CRLS1: variants seen among roughly 807,000 people sequenced by gnomAD.
CRLS1 encodes the protein cardiolipin synthase 1.
CRLS1 carries 24 observed loss-of-function variants against 37.0 expected under a neutral mutation model. That is an observed-to-expected ratio of 0.65 (90% CI 0.47 to 0.91). CRLS1 has a LOEUF of 0.91. CRLS1 is among the 40% of genes least tolerant of loss of function. CRLS1 has a pLI of 0.00. For missense variants in CRLS1, 373 were observed against 395.8 expected (o/e 0.94, Z 0.49); for synonymous variants, 135 against 159.7 (o/e 0.85, Z 1.17).
chr20:6,008,388 C>T (rs905734380), intron 1 of CRLS1, among the ~76,000 whole-genome samples: 9 of 152,124 alleles, frequency 5.9e-5, no homozygotes, highest in South Asian at 2.1e-4. Flanking sequence ...GTCTTAGCTC[C>T]GCTGGGCCGA....
chr20:6,009,668 G>T, intron 1 of CRLS1, 107 bp from the exon 2 acceptor site: 2 of 838,266 alleles, frequency 2.4e-6, no homozygotes, highest in Non-Finnish European at 1.8e-6. Flanking sequence ...AGTTTATGTA[G>T]CTTCTGACTG....
At chr20:6,026,225 C>G (rs1979678912) in intron 3 of CRLS1, 1 of 152,146 alleles carries the variant, frequency 6.6e-6, no homozygotes, top group Non-Finnish European at 1.5e-5. Context: ...CAGTCAGCAG[C>G]TGTCAACATT....
intron 2 of CRLS1, among the ~76,000 whole-genome samples, chr20:6,011,009 C>T (rs1280171107): frequency 6.0e-5 from 9 of 148,904 alleles, no homozygotes; most frequent in African/African-American, 2.5e-5. Flanking sequence ...AGAGCAAGAA[C>T]TTGTCTCTTA....
rs964171347 is a variant in CRLS1 at position 6,006,133 on chromosome 20, C to G, written c.-114C>G. On this transcript the variant is annotated 5_prime_UTR_variant, in exon 1 of 7. Coordinates refer to ENST00000378863, the MANE Select transcript of CRLS1 (RefSeq NM_019095.6). ...TGGGGTGTGTAAAGTAGTATGGAGGCAGCGGTAGCCCAGTGTCTGAGTGGT... is the reference window on the plus strand; with the variant it reads ...TGGGGTGTGTAAAGTAGTATGGAGGGAGCGGTAGCCCAGTGTCTGAGTGGT... 2.0e-6 allele frequency: 1 copy of G among 490,040 alleles called. No homozygotes were observed. Among genetic ancestry groups the G allele is most frequent in the Non-Finnish European group, 3.1e-6 (1 of 318,316 alleles). The allele number at this position is 490,040 out of a possible 1,614,324, so 30.4% of individuals were successfully genotyped here.
At position 6,037,756 on chromosome 20, in the gene CRLS1, G is replaced by A. The variant is rs1328411820; in HGVS notation, c.*598G>A. ...ACAGAAGGTATGAAGTTCATTTTCG[G>A]TAGTCTTCCAACCTCTCAGGTGCCT... On this transcript the variant is annotated 3_prime_UTR_variant, in exon 7 of 7. Transcript: ENST00000378863. The A allele has an allele frequency of 6.6e-6, 1 of 152,166 alleles. No individual in the cohort carries two copies. The highest frequency in any genetic ancestry group is 2.4e-5 in the African/African-American group (1 of 41,420). 9.4% of individuals were successfully genotyped at this position (152,166 alleles called of 1,614,324 possible).
At chr20:6,034,844 A>G (rs1980433733) in intron 6 of CRLS1, among the ~76,000 whole-genome samples, 1 of 152,168 alleles carries the variant, frequency 6.6e-6, no homozygotes, top group Non-Finnish European at 1.5e-5. Context: ...AGGAAGTGGC[A>G]TTTGTTGCAT....
In CRLS1 at chr20:6,037,339, C is replaced by A. The variant is rs1980631611; in HGVS notation, c.*181C>A. On this transcript the variant is annotated 3_prime_UTR_variant, in exon 7 of 7. Transcript: ENST00000378863. ...AAATAAGGTTGATCATGGGAATATG[C>A]AGAATTTCCAATGTATTTTTAAATA... 5.1e-6 allele frequency: 2 copies of A among 389,388 alleles called. No individual in the cohort carries two copies. The highest frequency in any genetic ancestry group is 4.3e-4 in the Middle Eastern group (1 of 2,322). The allele number at this position is 389,388 out of a possible 1,614,324, so 24.1% of individuals were successfully genotyped here.
chr20:6,009,957 G>A, intron 2 of CRLS1, 45 bp downstream of exon 2: 1 of 1,596,114 alleles, frequency 6.3e-7, no homozygotes, highest in Non-Finnish European at 8.6e-7. Context: ...TCCAAATCCT[G>A]GTCTGTACTA....
chr20:6,015,722 A>G, intron 3 of CRLS1: 2 of 429,616 alleles, frequency 4.7e-6, no homozygotes, highest in East Asian at 9.5e-5. Context: ...AGATTGTTTA[A>G]AATTAAAATT....
At chr20:6,007,486 A>C (rs903140162) in intron 1 of CRLS1, 10 of 1,409,130 alleles carry the variant, frequency 7.1e-6, no homozygotes, top group Non-Finnish European at 8.9e-6. Context: ...ATGATTACAA[A>C]TTAATGAGAC....
In CRLS1 at chr20:6,019,129, T is replaced by C. The variant is rs541465418; in HGVS notation, c.574+3639T>C. Among the ~76,000 whole-genome samples, 3 of 152,316 alleles carry C rather than the reference T, an allele frequency of 2.0e-5. No homozygotes were observed. In the East Asian group the frequency reaches 5.8e-4, roughly 29 times the overall value. On this transcript the variant is annotated intron_variant, in intron 3 of 6. Coordinates refer to ENST00000378863, the MANE Select transcript of CRLS1 (RefSeq NM_019095.6). ...ATTTCTACTTAAATGTTTGGTAGAA[T>C]CTGTTAAAGCCGTTGAGGCCTGGAG...
chr20:6,018,469 A>G (rs6117036), intron 3 of CRLS1, among the ~76,000 whole-genome samples: 2 of 152,070 alleles, frequency 1.3e-5, no homozygotes, highest in South Asian at 4.1e-4. Flanking sequence ...TGAGTAGTAC[A>G]GTGTTGGCAA....
intron 1 of CRLS1, 57 bp downstream of exon 1, chr20:6,006,609 A>T: frequency 8.0e-7 from 1 of 1,242,360 alleles, no homozygotes; most frequent in Non-Finnish European, 1.0e-6. Flanking sequence ...CCGCCCCTGC[A>T]CTCAGGTAAC....
intron 2 of CRLS1, among the ~76,000 whole-genome samples, chr20:6,013,133 CTA>C (rs1322104237): frequency 6.6e-6 from 1 of 150,904 alleles, no homozygotes; most frequent in East Asian, 1.9e-4. Context: ...GGAATTATAT[CTA>C]TGTGTATATA....
At chr20:6,009,590 A>G (rs2090105529) in intron 1 of CRLS1, among the ~76,000 whole-genome samples, 185 bp from the exon 2 acceptor site, 1 of 152,202 alleles carries the variant, frequency 6.6e-6, no homozygotes, top group Non-Finnish European at 1.5e-5. Flanking sequence ...TTGAAAGAAG[A>G]TTTTAGGGAG....
At position 6,031,389 on chromosome 20, in the gene CRLS1, A is replaced by C. The variant is rs1342139753; in HGVS notation, c.660+19A>C. 1.4e-5 allele frequency: 21 copies of C among 1,552,058 alleles called. No individual in the cohort carries two copies. Among genetic ancestry groups the C allele is most frequent in the African/African-American group, 4.1e-5 (3 of 72,996 alleles). On this transcript the variant is annotated intron_variant, in intron 4 of 6. Transcript: ENST00000378863. ...AACACCAGTGAGTTTGTTTCCAAAAAGTATTCTTTTAGCATTATATATGAT... is the reference window on the plus strand; with the variant it reads ...AACACCAGTGAGTTTGTTTCCAAAACGTATTCTTTTAGCATTATATATGAT...
At chr20:6,024,400 T>C (rs1457176382) in intron 3 of CRLS1, among the ~76,000 whole-genome samples, 1 of 152,170 alleles carries the variant, frequency 6.6e-6, no homozygotes, top group South Asian at 2.1e-4. Flanking sequence ...TCCATGAGGG[T>C]TGGAATCAAC....
intron 3 of CRLS1, among the ~76,000 whole-genome samples, chr20:6,020,921 C>T (rs570511998): frequency 9.9e-5 from 15 of 151,430 alleles, no homozygotes; most frequent in African/African-American, 2.9e-4. Flanking sequence ...CGTGAGCCAC[C>T]GCGCCCGGCC....
Position 6,018,527 on chromosome 20 carries a change from C to T in CRLS1, c.574+3037C>T, listed in dbSNP as rs144632900. Among the ~76,000 whole-genome samples, 402 of 152,256 alleles carry T rather than the reference C, an allele frequency of 2.6e-3. 1 individual carries two copies. The highest frequency in any genetic ancestry group is 9.3e-3 in the African/African-American group (387 of 41,554). Reference sequence around the variant, plus strand: ...CCCAACCTCATAGAAAAGCCTTTAGCGTTTCACTATTAAAGATGATGTTTG... The same window carrying T: ...CCCAACCTCATAGAAAAGCCTTTAGTGTTTCACTATTAAAGATGATGTTTG... On this transcript the variant is annotated intron_variant, in intron 3 of 6. Transcript: ENST00000378863.
Sources: allele counts gnomAD v4.1 joint callset (sites outside exome capture counted in the v4.1 genomes callset), GRCh38; gene constraint gnomAD v4.1.1; transcripts MANE v1.5; gene names NCBI Gene and HGNC (gene_info 2026-07-23, HGNC 2026-07-21).